PNPT1: variants seen among roughly 807,000 people sequenced by gnomAD.
The protein encoded by PNPT1 is polyribonucleotide nucleotidyltransferase 1, mitochondrial.
PNPT1 carries 53 observed loss-of-function variants against 119.5 expected under a neutral mutation model. The observed-to-expected ratio is 0.44, with a 90% confidence interval of 0.36 to 0.56. The LOEUF is 0.56. Ranked by LOEUF, PNPT1 falls within the 20% of genes least tolerant of loss-of-function variation. PNPT1 has a pLI of 0.00. For synonymous variants in PNPT1, 357 were observed against 322.1 expected, an observed-to-expected ratio of 1.11 and a Z score of -1.16; for missense variants, 948 against 938.5, an observed-to-expected ratio of 1.01 and a Z score of -0.13.
At chr2:55,681,448 A>G (rs915260882) in intron 5 of PNPT1, among the ~76,000 whole-genome samples, 1 of 152,044 alleles carries the variant, frequency 6.6e-6, no homozygotes, top group Non-Finnish European at 1.5e-5. Context: ...CCTCTTCCCA[A>G]AGGGTTCCTA....
intron 26 of PNPT1, 85 bp from the exon 27 acceptor site, chr2:55,637,684 T>C: frequency 8.4e-7 from 1 of 1,192,398 alleles, no homozygotes; most frequent in Non-Finnish European, 1.2e-6. Flanking sequence ...TCAAGCTTTA[T>C]TAGTTTTTCT....
At position 55,644,656 on chromosome 2, in the gene PNPT1, T is replaced by C; in HGVS notation, c.1887A>G (p.Lys629=). The change falls in exon 23 of 28, where the codon AAA becomes AAG. Residue 629 remains lysine (K), a synonymous_variant. Transcript: ENST00000447944. The part of the protein sequence containing the change: ...KFVGPGGYNL[K]KLQAETGVTI... ...TCTTACCTGTTTCAGCCTGAAGTTT[T>C]TTTAAGTTATAGCCACCAGGTCCAA... 1 of 1,611,110 alleles carries C rather than the reference T, an allele frequency of 6.2e-7. No homozygotes were observed. The highest frequency in any genetic ancestry group is 8.5e-7 in the Non-Finnish European group (1 of 1,177,608).
At chr2:55,688,742 AAACAACAACAAC>A (rs763018631) in intron 1 of PNPT1, among the ~76,000 whole-genome samples, 2 of 151,954 alleles carry the variant, frequency 1.3e-5, no homozygotes, top group Admixed American at 1.3e-4. Flanking sequence ...AAACAAAACA[AAACAACAACAAC>A]AACAACAACA....
intron 18 of PNPT1, 126 bp from the exon 19 acceptor site, chr2:55,647,579 G>T (rs1214455481): frequency 5.0e-6 from 3 of 600,538 alleles, no homozygotes; most frequent in Non-Finnish European, 2.8e-6. Flanking sequence ...GAGTGCAGTG[G>T]CATGATCTTG....
At chr2:55,659,914 G>A (rs549519168) in intron 15 of PNPT1, among the ~76,000 whole-genome samples, 2 of 152,192 alleles carry the variant, frequency 1.3e-5, no homozygotes, top group Non-Finnish European at 1.5e-5. Flanking sequence ...TCCAGCCTGA[G>A]CAACATGGCA....
intron 18 of PNPT1, among the ~76,000 whole-genome samples, chr2:55,650,993 G>A (rs1696168898): frequency 1.4e-5 from 2 of 143,690 alleles, no homozygotes; most frequent in Admixed American, 6.8e-5. Context: ...GGGAGGTGAG[G>A]GGCGCCTCTG....
In PNPT1 at chr2:55,647,436, C is replaced by T; in HGVS notation, c.1513G>A (p.Ala505Thr). The change falls in exon 19 of 28, where the codon GCT (alanine) becomes ACT (threonine). Residue 505 changes from alanine (A) to threonine (T), a missense_variant. Ala to Thr is a moderately conservative substitution (Grantham distance 58). Transcript: ENST00000447944. ...LMDSGVPISS[A>T]VAGVAIGLVT... ...AATCCTATTGCTACGCCTGCAACAG[C>T]AGATGAAATTGGAACCCCTATAATT... 1 of 1,608,064 alleles carries T rather than the reference C, an allele frequency of 6.2e-7. No individual in the cohort carries two copies. The highest frequency in any genetic ancestry group is 8.5e-7 in the Non-Finnish European group (1 of 1,176,236).
chr2:55,680,819 T>C, intron 6 of PNPT1, 36 bp downstream of exon 6: 1 of 1,611,032 alleles, frequency 6.2e-7, no homozygotes, highest in Admixed American at 1.7e-5. Context: ...AAAAAATTTT[T>C]AATCTGATAA....
At position 55,636,017 on chromosome 2, in the gene PNPT1, TAATA is replaced by T. The variant is rs750639858; in HGVS notation, c.*216_*219del. On this transcript the variant is annotated 3_prime_UTR_variant, in exon 28 of 28. Transcript: ENST00000447944. ...AGATGTATAAATGACTTACTTTTAATAATAAATATTTCTTGATTTATAATGTAAA... is the reference window on the plus strand; with the variant it reads ...AGATGTATAAATGACTTACTTTTAATAATATTTCTTGATTTATAATGTAAA... 2.5e-5 allele frequency: 7 copies of T among 280,690 alleles called. No individual in the cohort carries two copies. The highest frequency in any genetic ancestry group is 5.0e-5 in the Admixed American group (1 of 19,902). The allele number at this position is 280,690 out of a possible 1,614,324, so 17.4% of individuals were successfully genotyped here.
intron 4 of PNPT1, 117 bp downstream of exon 4, chr2:55,684,826 G>T: frequency 8.0e-7 from 1 of 1,244,208 alleles, no homozygotes; most frequent in East Asian, 2.8e-5. Flanking sequence ...AATAATCTTA[G>T]GTGGTGTTAA....
chr2:55,646,500 A>G lies in PNPT1; in HGVS notation c.1603-14T>C. Reference sequence around the variant, plus strand: ...ATCTTCAATTCCCTTCAGGAATTTAAAAAGTTATGACATAGTTTTAAACAA... The same window carrying G: ...ATCTTCAATTCCCTTCAGGAATTTAGAAAGTTATGACATAGTTTTAAACAA... On this transcript the variant is annotated splice_polypyrimidine_tract_variant and intron_variant, in intron 19 of 27. Transcript: ENST00000447944. 1.3e-6 allele frequency: 2 copies of G among 1,593,332 alleles called. No individual in the cohort carries two copies. Among genetic ancestry groups the G allele is most frequent in the South Asian group, 1.1e-5 (1 of 87,056 alleles).
intron 12 of PNPT1, among the ~76,000 whole-genome samples, chr2:55,667,455 A>G (rs568198318): frequency 2.0e-5 from 3 of 152,166 alleles, no homozygotes; most frequent in Admixed American, 1.3e-4. Context: ...TTAGCTGGGC[A>G]TGGTGGTGGG....
chr2:55,692,104 C>G (rs562319742), intron 1 of PNPT1, among the ~76,000 whole-genome samples: 5 of 151,556 alleles, frequency 3.3e-5, no homozygotes, highest in African/African-American at 4.9e-5. Flanking sequence ...AGGCTGGTCT[C>G]GAACTCCTGA....
intron 10 of PNPT1, 57 bp from the exon 11 acceptor site, chr2:55,671,433 G>T: frequency 9.4e-7 from 1 of 1,058,710 alleles, no homozygotes; most frequent in Non-Finnish European, 1.4e-6. Context: ...TAATATTTCT[G>T]TTTTCTAATT....
At chr2:55,686,511 G>C (rs919935466) in intron 2 of PNPT1, 67 bp from the exon 3 acceptor site, 5 of 1,170,062 alleles carry the variant, frequency 4.3e-6, no homozygotes, top group Non-Finnish European at 6.2e-6. Context: ...AGTAGCAACT[G>C]AATAAATCCT....
At position 55,679,739 on chromosome 2, in the gene PNPT1, C is replaced by T; in HGVS notation, c.622G>A (p.Glu208Lys). ...AAATTTAAAGTACTAGAAGACATTT[C>T]TTTTCTTGTTGGGTTAACAACATAT... ...GEYVVNPTRK[E>K]MSSSTLNLVV... is the part of the protein sequence containing the mutation. The change falls in exon 8 of 28, where the codon GAA becomes AAA. Residue 208 changes from glutamate (E) to lysine (K), a missense_variant. By Grantham distance (56) the Glu-to-Lys change is moderately conservative. Transcript: ENST00000447944. The T allele has an allele frequency of 6.2e-7, 1 of 1,612,670 alleles. No individual in the cohort carries two copies. Among genetic ancestry groups the T allele is most frequent in the Non-Finnish European group, 8.5e-7 (1 of 1,179,282 alleles).
At chr2:55,681,695 A>C (rs1001713045) in intron 5 of PNPT1, among the ~76,000 whole-genome samples, 1 of 151,886 alleles carries the variant, frequency 6.6e-6, no homozygotes, top group Non-Finnish European at 1.5e-5. Context: ...AAATACAAAA[A>C]TTAGCCGTGC....
chr2:55,673,068 C>A lies in PNPT1; in HGVS notation c.691G>T (p.Ala231Ser). 6.3e-7 allele frequency: 1 copy of A among 1,581,314 alleles called. No homozygotes were observed. Among genetic ancestry groups the A allele is most frequent in the Admixed American group, 2.0e-5 (1 of 51,178 alleles). ...TGCTGTAAAATGTTCTCTGCAGAGG[C>A]TTCCAACATGACTATTTAAAGGAAA... ...APKSQIVMLEASAENILQQDF... is the reference protein window; with the variant it reads ...APKSQIVMLESSAENILQQDF... The change falls in exon 9 of 28, where the codon GCC becomes TCC. Residue 231 changes from alanine to serine, a missense_variant. By Grantham distance (99) the Ala-to-Ser change is moderately conservative (BLOSUM62 1). Transcript: ENST00000447944.
At chr2:55,680,677 CACATAT>C (rs1225979353) in intron 7 of PNPT1, 29 bp downstream of exon 7, 1 of 1,572,600 alleles carries the variant, frequency 6.4e-7, no homozygotes, top group African/African-American at 1.4e-5. Context: ...AAAAAAAATA[CACATAT>C]GATTTCTTAC....
Sources: gnomAD v4.1 joint callset for allele counts (sites outside exome capture counted in the v4.1 genomes callset) on GRCh38, gnomAD v4.1.1 for gene constraint, MANE v1.5 for transcripts, NCBI Gene and HGNC (gene_info 2026-07-23, HGNC 2026-07-21) for gene names.